Variants in GCNT2 observed in about 807,000 individuals in gnomAD.
The protein encoded by GCNT2 is glucosaminyl (N-acetyl) transferase 2 (I blood group), also known as N-acetyllactosaminide beta-1,6-N-acetylglucosaminyl-transferase.
GCNT2 carries 34 observed loss-of-function variants against 34.2 expected under a neutral mutation model. The ratio of observed to expected loss-of-function variants is 1.00; its 90% CI spans 0.76 to 1.32. The LOEUF is 1.32. Ranked by LOEUF, GCNT2 falls within the 40% of genes most tolerant of loss-of-function variation. GCNT2 has a pLI of 0.00. For synonymous variants in GCNT2, 212 were observed against 188.0 expected, an observed-to-expected ratio of 1.13 and a Z score of -1.04; for missense variants, 584 against 489.4, an observed-to-expected ratio of 1.19 and a Z score of -1.82.
intron 4 of GCNT2, among the ~76,000 whole-genome samples, chr6:10,622,742 C>CT (rs36097125): frequency 0.025 from 1,832 of 74,542 alleles, 325 homozygotes; most frequent in Non-Finnish European, 0.029. Context: ...CTCAGTCCAT[C>CT]TTTTTTTTTT....
At chr6:10,561,061 C>G (rs1015606662) in intron 3 of GCNT2, among the ~76,000 whole-genome samples, 2 of 152,230 alleles carry the variant, frequency 1.3e-5, no homozygotes, top group African/African-American at 4.8e-5. Context: ...CCGGTACACC[C>G]TTATATTTTC....
intron 3 of GCNT2, among the ~76,000 whole-genome samples, chr6:10,544,952 A>C (rs557987879): frequency 2.0e-5 from 3 of 149,510 alleles, no homozygotes; most frequent in African/African-American, 7.6e-5. Context: ...TCTCAAATAA[A>C]TAAATAAATA....
At chr6:10,567,413 C>T (rs771771656) in intron 3 of GCNT2, among the ~76,000 whole-genome samples, 12 of 152,112 alleles carry the variant, frequency 7.9e-5, no homozygotes, top group African/African-American at 1.7e-4. Context: ...GCTAGGATGG[C>T]GCCACTGCAT....
At chr6:10,579,822 CAAACAA>C (rs1763983912) in intron 3 of GCNT2, among the ~76,000 whole-genome samples, 1 of 44,332 alleles carries the variant, frequency 2.3e-5, no homozygotes, top group Admixed American at 2.3e-4. Context: ...TCTCAAAAAA[CAAACAA>C]AAAAAAAAAA....
Position 10,528,883 on chromosome 6 carries a change from G to C in GCNT2, c.-29G>C, listed in dbSNP as rs1240947066. On this transcript the variant is annotated 5_prime_UTR_variant, in exon 3 of 5. Coordinates refer to ENST00000495262, the MANE Select transcript of GCNT2 (RefSeq NM_145649.5). ...TACACTCTGATCCTATCTCAAGAGA[G>C]AGATATTTTACTCATTTCCTGGTTG... 1.3e-6 allele frequency: 2 copies of C among 1,525,420 alleles called. No homozygotes were observed. The highest frequency in any genetic ancestry group is 1.7e-5 in the Admixed American group (1 of 59,938). 94.5% of individuals were successfully genotyped at this position (1,525,420 alleles called of 1,614,324 possible).
chr6:10,548,089 T>C (rs913162570), intron 3 of GCNT2, among the ~76,000 whole-genome samples: 2 of 152,088 alleles, frequency 1.3e-5, no homozygotes, highest in African/African-American at 2.4e-5. Context: ...TTCTACTGAA[T>C]AGAGAATGGT....
chr6:10,567,823 G>A (rs537376875), intron 3 of GCNT2, among the ~76,000 whole-genome samples: 1 of 152,278 alleles, frequency 6.6e-6, no homozygotes, highest in African/African-American at 2.4e-5. Flanking sequence ...AATTTATCAT[G>A]GAGTTTTGAC....
chr6:10,575,572 C>T (rs528773834), intron 3 of GCNT2, among the ~76,000 whole-genome samples: 1 of 152,168 alleles, frequency 6.6e-6, no homozygotes, highest in South Asian at 2.1e-4. Flanking sequence ...GCCTCTGAGC[C>T]CAAGCCAAGC....
chr6:10,546,101 T>C (rs1248894203), intron 3 of GCNT2, among the ~76,000 whole-genome samples: 1 of 152,218 alleles, frequency 6.6e-6, no homozygotes, highest in Non-Finnish European at 1.5e-5. Flanking sequence ...TTCCCTGCCA[T>C]GTCTGTGCAT....
intron 3 of GCNT2, among the ~76,000 whole-genome samples, chr6:10,563,766 AAAAAAAAAAAAATAT>A (rs1357158510): frequency 1.1e-4 from 8 of 69,838 alleles, no homozygotes; most frequent in African/African-American, 3.2e-4. Context: ...GAAAAAAAAA[AAAAAAAAAAAAATAT>A]ATATATATAT....
chr6:10,569,932 T>C (rs1275705337), intron 3 of GCNT2, among the ~76,000 whole-genome samples: 1 of 113,200 alleles, frequency 8.8e-6, no homozygotes, highest in Non-Finnish European at 1.9e-5. Flanking sequence ...TTTCTCTCTC[T>C]CTTCCTTCCT....
At chr6:10,562,497 C>G (rs1763033201) in intron 3 of GCNT2, among the ~76,000 whole-genome samples, 1 of 151,860 alleles carries the variant, frequency 6.6e-6, no homozygotes, top group African/African-American at 2.4e-5. Context: ...GCGGGAGGAT[C>G]CCTTGAGCCC....
At chr6:10,544,016 A>T (rs1428008923) in intron 3 of GCNT2, among the ~76,000 whole-genome samples, 1 of 152,166 alleles carries the variant, frequency 6.6e-6, no homozygotes, top group Non-Finnish European at 1.5e-5. Context: ...AGACTCATTT[A>T]AAAAATAAAT....
chr6:10,602,971 A>C lies in GCNT2; in HGVS notation c.926-18380A>C, dbSNP rs1441360865. On this transcript the variant is annotated intron_variant, in intron 3 of 4. Coordinates refer to ENST00000495262, the MANE Select transcript of GCNT2 (RefSeq NM_145649.5). ...TACTTTTATTTGAAAGAGTCAGTAA[A>C]ACCTAGGAAATGCCACCTGAAATGC... Among the ~76,000 whole-genome samples, 3 of 152,322 alleles carry C rather than the reference A, an allele frequency of 2.0e-5. No individual in the cohort carries two copies. The East Asian group carries it at 5.8e-4, about 29-fold the overall frequency.
At chr6:10,557,717 C>T (rs192778121) in intron 3 of GCNT2, among the ~76,000 whole-genome samples, 15 of 152,296 alleles carry the variant, frequency 9.8e-5, no homozygotes, top group African/African-American at 3.1e-4. Flanking sequence ...TCTCCAACTC[C>T]ACAGCTCAAG....
At chr6:10,555,404 T>C (rs1326545033) in intron 3 of GCNT2, among the ~76,000 whole-genome samples, 1 of 152,172 alleles carries the variant, frequency 6.6e-6, no homozygotes, top group African/African-American at 2.4e-5. Flanking sequence ...AGGTGGTCCA[T>C]AAGCTTAACT....
intron 3 of GCNT2, among the ~76,000 whole-genome samples, chr6:10,550,161 C>A (rs1762423488): frequency 6.6e-6 from 1 of 152,024 alleles, no homozygotes; most frequent in South Asian, 2.1e-4. Flanking sequence ...TCAAGTAATT[C>A]TTCTGTCTCA....
intron 3 of GCNT2, chr6:10,556,246 A>G: frequency 6.8e-7 from 1 of 1,460,890 alleles, no homozygotes. Context: ...TAATATCGGC[A>G]CAGGGACAGA....
intron 3 of GCNT2, 182 bp downstream of exon 3, chr6:10,530,018 G>A (rs1011356754): frequency 1.7e-6 from 1 of 600,862 alleles, no homozygotes; most frequent in Non-Finnish European, 3.0e-6. Context: ...ACCCACTCTT[G>A]TGAACCGCTC....
Sources: allele counts gnomAD v4.1 joint callset (sites outside exome capture counted in the v4.1 genomes callset), GRCh38; gene constraint gnomAD v4.1.1; transcripts MANE v1.5; gene names NCBI Gene and HGNC (gene_info 2026-07-23, HGNC 2026-07-21).